The following GPR39 variants were observed in gnomAD, a reference collection of about 807,000 sequenced individuals.
GPR39 encodes the protein G protein-coupled receptor 39.
A neutral mutation model predicts 18.4 loss-of-function variants in GPR39; 23 were observed. The ratio of observed to expected loss-of-function variants is 1.25; its 90% CI spans 0.90 to 1.77. The LOEUF (loss-of-function observed/expected upper bound fraction) is 1.77, where lower values mean the gene tolerates loss of function less well. GPR39 is among the 40% of genes most tolerant of loss of function. The pLI is 0.00. For missense variants in GPR39, 647 were observed against 602.4 expected, an observed-to-expected ratio of 1.07 and a Z score of -0.78; for synonymous variants, 280 against 257.9, an observed-to-expected ratio of 1.09 and a Z score of -0.82.
At chr2:132,493,204 C>T (rs926223104) in intron 1 of GPR39, among the ~76,000 whole-genome samples, 1 of 139,210 alleles carries the variant, frequency 7.2e-6, no homozygotes, top group African/African-American at 2.8e-5. Flanking sequence ...ACCATATATA[C>T]ACCATATATG....
At chr2:132,617,602 C>A (rs927572233) in intron 1 of GPR39, among the ~76,000 whole-genome samples, 1 of 152,124 alleles carries the variant, frequency 6.6e-6, no homozygotes, top group African/African-American at 2.4e-5. Flanking sequence ...CTATTGAATT[C>A]TAAGAGCTTT....
intron 1 of GPR39, among the ~76,000 whole-genome samples, chr2:132,536,028 C>T (rs1393529386): frequency 6.8e-6 from 1 of 146,298 alleles, no homozygotes; most frequent in Non-Finnish European, 1.5e-5. Flanking sequence ...AAAACAGCTC[C>T]TGGATTATTT....
At chr2:132,543,830 C>A (rs568554256) in intron 1 of GPR39, among the ~76,000 whole-genome samples, 1 of 152,268 alleles carries the variant, frequency 6.6e-6, no homozygotes, top group African/African-American at 2.4e-5. Context: ...TGCAGGGCAC[C>A]AAGGGAGGAG....
rs1379542906 is a variant in GPR39, at chr2:132,645,464, A to G, written c.1220A>G (p.Lys407Arg). The G allele has an allele frequency of 1.9e-6, 3 of 1,613,390 alleles. No homozygotes were observed. The highest frequency in any genetic ancestry group is 2.5e-6 in the Non-Finnish European group (3 of 1,180,028). Residue 407 changes from lysine (K) to arginine (R), a missense_variant, in exon 2 of 2, where the codon AAG (lysine) becomes AGG (arginine). By Grantham distance (26) the Lys-to-Arg change is conservative. Around this residue, in one of 3 missense-constraint regions of GPR39, gnomAD observed 581 missense variants for 506.8 expected, o/e 1.15. Coordinates refer to ENST00000329321, the MANE Select transcript of GPR39 (RefSeq NM_001508.3). The part of the protein sequence containing the change: ...RRQSSARRTE[K>R]IFLSTFQSEA... Reference sequence around the variant, plus strand: ...CAGTCCTCTGCAAGGAGAACTGAGAAGATTTTCTTAAGCACTTTTCAGAGC... The same window carrying G: ...CAGTCCTCTGCAAGGAGAACTGAGAGGATTTTCTTAAGCACTTTTCAGAGC...
chr2:132,438,993 C>T lies in GPR39; in HGVS notation c.856+21095C>T, dbSNP rs891410950. 2.6e-5 allele frequency among the ~76,000 whole-genome samples: 4 copies of T among 152,274 alleles called. No individual in the cohort carries two copies. In the East Asian group the frequency reaches 7.7e-4, roughly 29 times the overall value. On this transcript the variant is annotated intron_variant, in intron 1 of 1. Transcript: ENST00000329321. ...CGCATAAGTGATTAGTGGCAAATGC[C>T]AAAATGCTAGGCTGGAGCCCTGATG...
intron 1 of GPR39, among the ~76,000 whole-genome samples, chr2:132,526,895 AC>A (rs544549951): frequency 2.0e-4 from 30 of 151,896 alleles, no homozygotes; most frequent in Middle Eastern, 6.8e-3. Flanking sequence ...AATGTGCTAG[AC>A]CCTTTTTTTA....
chr2:132,564,958 AGGCACCTGCCACCATGCCT>A (rs1326014327), intron 1 of GPR39, among the ~76,000 whole-genome samples: 2 of 151,442 alleles, frequency 1.3e-5, no homozygotes, highest in African/African-American at 4.9e-5. Flanking sequence ...CTGGGATTAC[AGGCACCTGCCACCATGCCT>A]GGCTAATTTT....
chr2:132,417,945 C>G (rs1308857535), intron 1 of GPR39, 47 bp downstream of exon 1: 1 of 1,530,998 alleles, frequency 6.5e-7, no homozygotes, highest in African/African-American at 1.4e-5. Context: ...CCCAACCTTC[C>G]CCCACGACCC....
chr2:132,611,750 A>G (rs1183469203), intron 1 of GPR39, among the ~76,000 whole-genome samples: 1 of 152,006 alleles, frequency 6.6e-6, no homozygotes, highest in Admixed American at 6.6e-5. Flanking sequence ...TGGGATGGAG[A>G]TTATACAGTG....
intron 1 of GPR39, among the ~76,000 whole-genome samples, chr2:132,611,124 G>A (rs573540204): frequency 3.9e-4 from 60 of 152,298 alleles, no homozygotes; most frequent in African/African-American, 8.4e-4. Flanking sequence ...CAACTTCCCC[G>A]TGTTCTGAGT....
chr2:132,611,627 A>AG (rs1024183141), intron 1 of GPR39, among the ~76,000 whole-genome samples: 40 of 105,806 alleles, frequency 3.8e-4, no homozygotes, highest in East Asian at 6.9e-4. Flanking sequence ...TTTGATTTGC[A>AG]GAAAAAAAAA....
In GPR39 at chr2:132,417,118, GC is replaced by G; in HGVS notation, c.78del (p.Thr27ProfsTer12). ...CAGTCATGTCCCCGAGTTTGAGGTG[GC>G]CACCTGGATCAAAATCACCCTTATT... ...DHSHVPEFEV[A>X]TWIKITLILV... On this transcript the variant is annotated frameshift_variant, in exon 1 of 2. Transcript: ENST00000329321. LOFTEE classifies it high-confidence loss of function. The G allele has an allele frequency of 3.7e-6, 6 of 1,614,116 alleles. No individual in the cohort carries two copies. The highest frequency in any genetic ancestry group is 4.2e-6 in the Non-Finnish European group (5 of 1,180,018).
chr2:132,510,012 A>T (rs1679211451), intron 1 of GPR39, among the ~76,000 whole-genome samples: 2 of 152,196 alleles, frequency 1.3e-5, no homozygotes, highest in Admixed American at 6.5e-5. Flanking sequence ...CCCAAGCAGT[A>T]ACTTTAATAT....
At chr2:132,530,150 A>G (rs778739603) in intron 1 of GPR39, among the ~76,000 whole-genome samples, 3 of 152,228 alleles carry the variant, frequency 2.0e-5, no homozygotes, top group Non-Finnish European at 4.4e-5. Flanking sequence ...CAATGCAGAG[A>G]AGTCCTTAAA....
At chr2:132,544,123 C>A (rs914990162) in intron 1 of GPR39, among the ~76,000 whole-genome samples, 1 of 152,160 alleles carries the variant, frequency 6.6e-6, no homozygotes, top group African/African-American at 2.4e-5. Context: ...TTTCTAAAAA[C>A]AACTCACAAC....
chr2:132,623,912 C>A (rs1411594387), intron 1 of GPR39, among the ~76,000 whole-genome samples: 1 of 152,138 alleles, frequency 6.6e-6, no homozygotes, highest in Non-Finnish European at 1.5e-5. Flanking sequence ...GGTAGAGGAG[C>A]AGCCCACTCC....
chr2:132,598,431 C>CCTTTTTTTT (rs369514635), intron 1 of GPR39, among the ~76,000 whole-genome samples: 1 of 90,460 alleles, frequency 1.1e-5, no homozygotes, highest in African/African-American at 4.5e-5. Flanking sequence ...CTAAGGTGAA[C>CCTTTTTTTT]TTTTTTTTTT....
intron 1 of GPR39, among the ~76,000 whole-genome samples, chr2:132,423,849 G>T (rs537193529): frequency 6.6e-6 from 1 of 152,260 alleles, no homozygotes; most frequent in East Asian, 1.9e-4. Context: ...TTCCAGCATA[G>T]TGTCTAGACA....
At chr2:132,496,575 C>G (rs544820470) in intron 1 of GPR39, among the ~76,000 whole-genome samples, 1 of 149,708 alleles carries the variant, frequency 6.7e-6, no homozygotes, top group African/African-American at 2.5e-5. Context: ...AGATTTCAGA[C>G]CTTGGCTAAG....
Sources: allele counts gnomAD v4.1 joint callset (sites outside exome capture counted in the v4.1 genomes callset), GRCh38; gene constraint gnomAD v4.1.1; regional missense constraint gnomAD v4.1.1; transcripts MANE v1.5; gene names NCBI Gene and HGNC (gene_info 2026-07-23, HGNC 2026-07-21).